Variants in SLC18B1 observed in about 807,000 individuals in gnomAD.
SLC18B1 encodes MFS-type transporter SLC18B1.
A neutral mutation model predicts 53.9 loss-of-function variants in SLC18B1; 62 were observed. That is an observed-to-expected ratio of 1.15 (90% CI 0.94 to 1.42). The LOEUF is 1.42. Ranked by LOEUF, SLC18B1 falls within the 40% of genes most tolerant of loss-of-function variation. The probability of loss-of-function intolerance (pLI) is 0.00; values close to 1 mark genes in which losing one functional copy is unlikely to be tolerated. For synonymous variants in SLC18B1, 217 were observed against 200.9 expected (o/e 1.08, Z -0.68); for missense variants, 598 against 547.3 (o/e 1.09, Z -0.93).
At chr6:132,797,966 C>T (rs534655242) in intron 1 of SLC18B1, among the ~76,000 whole-genome samples, 8 of 152,006 alleles carry the variant, frequency 5.3e-5, no homozygotes, top group Non-Finnish European at 8.8e-5. Flanking sequence ...ATTTGCTTTG[C>T]TCTATTTGTC....
At chr6:132,788,742 G>A (rs929956981) in intron 4 of SLC18B1, among the ~76,000 whole-genome samples, 1 of 150,602 alleles carries the variant, frequency 6.6e-6, no homozygotes, top group Admixed American at 6.6e-5. Flanking sequence ...AGAGTGGCTT[G>A]AACCTGGGAG....
intron 1 of SLC18B1, 66 bp from the exon 2 acceptor site, chr6:132,797,187 A>T (rs1781717098): frequency 6.3e-7 from 1 of 1,585,252 alleles, no homozygotes; most frequent in African/African-American, 1.3e-5. Context: ...CACAAATGTG[A>T]TTTCTGTGCA....
intron 6 of SLC18B1, among the ~76,000 whole-genome samples, chr6:132,781,843 G>T (rs1050802658): frequency 6.6e-6 from 1 of 151,926 alleles, no homozygotes; most frequent in African/African-American, 2.4e-5. Context: ...ATGAGTAAGG[G>T]TTAGGTAGAG....
At chr6:132,773,133 T>A (rs753542147) in intron 9 of SLC18B1, 45 bp from the exon 10 acceptor site, 54 of 1,404,704 alleles carry the variant, frequency 3.8e-5, no homozygotes, top group Non-Finnish European at 4.8e-5. Context: ...AGAAAAACAT[T>A]AGCGTTTTAA....
intron 6 of SLC18B1, among the ~76,000 whole-genome samples, chr6:132,780,427 C>A (rs115084501): frequency 0.013 from 1,966 of 152,176 alleles, 41 homozygotes; most frequent in African/African-American, 0.043. Flanking sequence ...CCTACTACAT[C>A]CTGCACAGTT....
intron 1 of SLC18B1, among the ~76,000 whole-genome samples, chr6:132,797,785 T>A (rs1781736447): frequency 7.1e-6 from 1 of 140,202 alleles, no homozygotes; most frequent in African/African-American, 2.8e-5. Flanking sequence ...AAATAAATAC[T>A]TTTTTTTTAC....
chr6:132,775,737 A>G (rs929649938), intron 8 of SLC18B1, among the ~76,000 whole-genome samples: 3 of 152,222 alleles, frequency 2.0e-5, no homozygotes, highest in Non-Finnish European at 4.4e-5. Context: ...GCTATGGGAT[A>G]ACCAGTGCAT....
rs754578461 is a variant in SLC18B1 at position 132,797,035 on chromosome 6, T to A, written c.130A>T (p.Asn44Tyr). The A allele has an allele frequency of 1.9e-6, 3 of 1,614,028 alleles. No homozygotes were observed. Among genetic ancestry groups the A allele is most frequent in the Admixed American group, 3.3e-5 (2 of 59,986 alleles). Residue 44 changes from asparagine (N) to tyrosine (Y), a missense_variant, in exon 2 of 14, where the codon AAC (asparagine) becomes TAC (tyrosine). Transcript: ENST00000275227. ...VFVLISAASV[N>Y]LGSMMCYSIL... ...GAATAGCACATCATGGAACCTAAGT[T>A]CACCGAAGCTGCCGATATCAGTACA... is the stretch of plus-strand genomic sequence containing the variant.
At chr6:132,789,615 T>C in intron 4 of SLC18B1, 149 bp downstream of exon 4, 1 of 627,610 alleles carries the variant, frequency 1.6e-6, no homozygotes, top group African/African-American at 1.8e-5. Context: ...CCCTGTTCTC[T>C]ACTTACTCAA....
At position 132,771,039 on chromosome 6, in the gene SLC18B1, T is replaced by C; in HGVS notation, c.1251A>G (p.Ile417Met). 13 of 1,613,826 alleles carry C rather than the reference T, an allele frequency of 8.1e-6. No individual in the cohort carries two copies. Among genetic ancestry groups the C allele is most frequent in the Non-Finnish European group, 5.1e-6 (6 of 1,179,912 alleles). The change falls in exon 12 of 14, where the codon ATA (isoleucine) becomes ATG (methionine). Residue 417 changes from isoleucine to methionine, a missense_variant. Coordinates refer to ENST00000275227, the MANE Select transcript of SLC18B1 (RefSeq NM_052831.3). ...AAAIQGLWAL[I>M]SGLAMGLFYL... ...AAATAAAAGACTGATTACTCACACT[T>C]ATCAGAGCCCATAGACCTTGTATAG...
rs1238398532 is a variant in SLC18B1 at position 132,772,168 on chromosome 6, A to G, written c.1124T>C (p.Leu375Pro). Residue 375 changes from leucine to proline, a missense_variant, in exon 11 of 14, where the codon CTT becomes CCT. Physicochemically the swap from Leu to Pro is moderately conservative, Grantham distance 98. Transcript: ENST00000275227. ...GFEEGLSTLGLVSGLFSAMWS... is the reference protein window; with the variant it reads ...GFEEGLSTLGPVSGLFSAMWS... ...CATTGCACTAAAAAGACCTGATACA[A>G]GTCCCAATGTACTTAATCCCTCTTC... The G allele has an allele frequency of 6.3e-7, 1 of 1,582,954 alleles. No homozygotes were observed. Among genetic ancestry groups the G allele is most frequent in the Non-Finnish European group, 8.6e-7 (1 of 1,169,514 alleles).
intron 8 of SLC18B1, among the ~76,000 whole-genome samples, chr6:132,774,812 G>A (rs1781061355): frequency 1.3e-5 from 2 of 152,014 alleles, no homozygotes; most frequent in South Asian, 4.1e-4. Context: ...TCAGGAAGCT[G>A]AGGCAGGAGA....
chr6:132,785,041 T>C (rs1251132343), intron 5 of SLC18B1, among the ~76,000 whole-genome samples: 1 of 142,244 alleles, frequency 7.0e-6, no homozygotes, highest in Non-Finnish European at 1.5e-5. Flanking sequence ...TCCTGTCCAG[T>C]TAAAAAAAAA....
At chr6:132,793,633 C>A (rs1202741865) in intron 2 of SLC18B1, among the ~76,000 whole-genome samples, 1 of 152,128 alleles carries the variant, frequency 6.6e-6, no homozygotes, top group Non-Finnish European at 1.5e-5. Context: ...ATGATAAATG[C>A]CCCAGCTTTG....
intron 4 of SLC18B1, among the ~76,000 whole-genome samples, chr6:132,788,840 A>C (rs534404377): frequency 2.0e-5 from 3 of 151,032 alleles, no homozygotes; most frequent in South Asian, 4.2e-4. Context: ...AAAAAAAAAA[A>C]AAAAACATGT....
intron 2 of SLC18B1, among the ~76,000 whole-genome samples, chr6:132,791,064 G>A (rs1781512308): frequency 6.6e-6 from 1 of 152,086 alleles, no homozygotes; most frequent in African/African-American, 2.4e-5. Flanking sequence ...TCAAGTCCCG[G>A]AACTATTGCA....
intron 7 of SLC18B1, among the ~76,000 whole-genome samples, chr6:132,777,621 G>A (rs1435914820): frequency 6.6e-6 from 1 of 152,240 alleles, no homozygotes; most frequent in Non-Finnish European, 1.5e-5. Context: ...GGCTGAGGCA[G>A]GAGAATTGCT....
At chr6:132,788,619 G>C (rs1582869190) in intron 4 of SLC18B1, among the ~76,000 whole-genome samples, 1 of 151,958 alleles carries the variant, frequency 6.6e-6, no homozygotes, top group Non-Finnish European at 1.5e-5. Context: ...TCAGGAGTTC[G>C]AGACCAGCCT....
chr6:132,778,831 A>G (rs1163604714), intron 7 of SLC18B1, among the ~76,000 whole-genome samples: 2 of 152,208 alleles, frequency 1.3e-5, no homozygotes, highest in Non-Finnish European at 2.9e-5. Context: ...AATACAGTCC[A>G]TAGTCATTTG....
Sources: allele counts gnomAD v4.1 joint callset (sites outside exome capture counted in the v4.1 genomes callset), GRCh38; gene constraint gnomAD v4.1.1; transcripts MANE v1.5; gene names NCBI Gene and HGNC (gene_info 2026-07-23, HGNC 2026-07-21).